ANTXR2: variants seen among roughly 807,000 people sequenced by gnomAD.
ANTXR2 encodes the protein anthrax toxin receptor 2.
Under a neutral mutation model 73.7 loss-of-function variants are expected in ANTXR2, and 44 were observed. That is an observed-to-expected ratio of 0.60 (90% CI 0.47 to 0.77). The LOEUF (loss-of-function observed/expected upper bound fraction) is 0.77. Ranked by LOEUF, ANTXR2 falls within the 30% of genes least tolerant of loss-of-function variation. The pLI, the probability that ANTXR2 is intolerant of heterozygous loss-of-function variation, is 0.00. For synonymous variants in ANTXR2, 217 were observed against 205.9 expected, an observed-to-expected ratio of 1.05 and a Z score of -0.46; for missense variants, 604 against 592.5, an observed-to-expected ratio of 1.02 and a Z score of -0.20.
At chr4:79,985,411 AC>A (rs1730098426) in intron 12 of ANTXR2, among the ~76,000 whole-genome samples, 1 of 152,072 alleles carries the variant, frequency 6.6e-6, no homozygotes. Flanking sequence ...GTACTATGTG[AC>A]TTCTCAGGCT....
rs576696259 is a variant in ANTXR2, at chr4:80,019,376, A to G, written c.867-400T>C. Among the ~76,000 whole-genome samples the G allele has an allele frequency of 6.6e-4, 100 of 152,346 alleles. 2 individuals are homozygous for G. The highest frequency in any genetic ancestry group is 6.5e-3 in the Admixed American group (99 of 15,304). On this transcript the variant is annotated intron_variant, in intron 10 of 16. Transcript: ENST00000403729. ...ACAGCGAGACTCAGTCTCAAAAAAA[A>G]GGAAAGAGTAAGAGTCACAGCTTTT...
At chr4:80,040,082 A>G (rs1445545804) in intron 7 of ANTXR2, among the ~76,000 whole-genome samples, 1 of 151,930 alleles carries the variant, frequency 6.6e-6, no homozygotes, top group Non-Finnish European at 1.5e-5. Flanking sequence ...TCATGGACGT[A>G]AAGATGGGAA....
chr4:79,933,735 G>GTTTTTTTT (rs10689799), intron 16 of ANTXR2, among the ~76,000 whole-genome samples: 1 of 68,946 alleles, frequency 1.5e-5, no homozygotes, highest in Admixed American at 2.1e-4. Flanking sequence ...TGGTGTGTTT[G>GTTTTTTTT]TTTTTTTTTT....
At position 80,042,668 on chromosome 4, in the gene ANTXR2, T is replaced by C. The variant is rs1266039910; in HGVS notation, c.637-6636A>G. Among the ~76,000 whole-genome samples the C allele has an allele frequency of 2.0e-5, 3 of 152,082 alleles. No homozygotes were observed. In the East Asian group the frequency reaches 5.8e-4, roughly 29 times the overall value. ...TGAATGTGAATATGTGAATTGATAA[T>C]ATTGTAAACTCAAAGTGATGTTTGT... On this transcript the variant is annotated intron_variant, in intron 7 of 16. Transcript: ENST00000403729.
intron 1 of ANTXR2, 73 bp downstream of exon 1, chr4:80,072,336 C>T: frequency 8.9e-6 from 13 of 1,452,522 alleles, no homozygotes; most frequent in Non-Finnish European, 1.2e-5. Context: ...TGCGCACACG[C>T]ATCTCAGCCT....
chr4:80,037,690 G>A (rs1733042556), intron 7 of ANTXR2, among the ~76,000 whole-genome samples: 1 of 152,112 alleles, frequency 6.6e-6, no homozygotes, highest in East Asian at 1.9e-4. Context: ...TGCCCTCTTG[G>A]AAGGGTAGTA....
intron 16 of ANTXR2, among the ~76,000 whole-genome samples, chr4:79,946,547 G>A (rs1728521222): frequency 6.6e-6 from 1 of 152,034 alleles, no homozygotes; most frequent in Admixed American, 6.6e-5. Flanking sequence ...CCAGGCAGGG[G>A]CTGTAATCTT....
chr4:80,050,566 T>A (rs1733726759), intron 7 of ANTXR2, among the ~76,000 whole-genome samples: 1 of 151,584 alleles, frequency 6.6e-6, no homozygotes, highest in Admixed American at 6.6e-5. Flanking sequence ...TCATTTAATT[T>A]AAAAAATAAA....
In ANTXR2 at chr4:79,904,232, C is replaced by T. The variant is rs929810390; in HGVS notation, c.*3197G>A. ...TGTATCTAGTAAGGATTTATTATAA[C>T]AAATATTGAATAATTTATTATTTAA... On this transcript the variant is annotated 3_prime_UTR_variant, in exon 17 of 17. Coordinates refer to ENST00000403729, the MANE Select transcript of ANTXR2 (RefSeq NM_058172.6). 2 of 151,922 alleles carry T rather than the reference C, an allele frequency of 1.3e-5. No individual in the cohort carries two copies. The highest frequency in any genetic ancestry group is 6.6e-5 in the Admixed American group (1 of 15,214). 9.4% of individuals were successfully genotyped at this position (151,922 alleles called of 1,614,324 possible).
In ANTXR2 at chr4:79,905,550, T is replaced by A. The variant is rs1726868423; in HGVS notation, c.*1879A>T. 1 of 152,174 alleles carries A rather than the reference T, an allele frequency of 6.6e-6. No homozygotes were observed. The highest frequency in any genetic ancestry group is 2.1e-4 in the South Asian group (1 of 4,836). The allele number at this position is 152,174 out of a possible 1,614,324, so 9.4% of individuals were successfully genotyped here. A position where few individuals can be genotyped will look rare whatever the true frequency, so the allele number is the denominator to read the frequency against. On this transcript the variant is annotated 3_prime_UTR_variant, in exon 17 of 17. Coordinates refer to ENST00000403729, the MANE Select transcript of ANTXR2 (RefSeq NM_058172.6). ...AAGAAGGCATTAGCTTTATGTGGGCTTAAAGAAATGGTAGCACAGGCATAG... is the reference window on the plus strand; with the variant it reads ...AAGAAGGCATTAGCTTTATGTGGGCATAAAGAAATGGTAGCACAGGCATAG...
chr4:79,949,375 G>T (rs1174998691), intron 16 of ANTXR2, among the ~76,000 whole-genome samples: 1 of 152,186 alleles, frequency 6.6e-6, no homozygotes, highest in African/African-American at 2.4e-5. Context: ...GGTCATTAAT[G>T]ATGACAAGGA....
intron 16 of ANTXR2, among the ~76,000 whole-genome samples, chr4:79,937,377 G>A (rs1183156493): frequency 6.6e-6 from 1 of 152,162 alleles, no homozygotes; most frequent in African/African-American, 2.4e-5. Flanking sequence ...GGCTAGTTTG[G>A]CTGGTTTCTG....
chr4:80,004,054 C>T (rs1274628472), intron 12 of ANTXR2, among the ~76,000 whole-genome samples: 1 of 151,906 alleles, frequency 6.6e-6, no homozygotes, highest in Non-Finnish European at 1.5e-5. Flanking sequence ...GGTACATCTA[C>T]ACCATTAATT....
intron 16 of ANTXR2, among the ~76,000 whole-genome samples, chr4:79,917,853 A>G (rs991363372): frequency 6.6e-6 from 1 of 152,126 alleles, no homozygotes; most frequent in East Asian, 1.9e-4. Context: ...CTCATAATCA[A>G]TGAAAACACA....
At chr4:79,956,856 C>T (rs1728906539) in intron 16 of ANTXR2, among the ~76,000 whole-genome samples, 1 of 151,952 alleles carries the variant, frequency 6.6e-6, no homozygotes, top group South Asian at 2.1e-4. Flanking sequence ...AGGAAGGAGA[C>T]CCCGGGCAAA....
intron 16 of ANTXR2, among the ~76,000 whole-genome samples, chr4:79,916,773 C>G (rs537496363): frequency 6.6e-6 from 1 of 151,960 alleles, no homozygotes; most frequent in East Asian, 1.9e-4. Context: ...GAGTGATGAA[C>G]AGGATTTATG....
chr4:80,026,840 G>A (rs1256504737), intron 10 of ANTXR2, among the ~76,000 whole-genome samples: 2 of 151,850 alleles, frequency 1.3e-5, no homozygotes, highest in Admixed American at 1.3e-4. Flanking sequence ...TCCCATACAT[G>A]GTGACATCTT....
intron 1 of ANTXR2, among the ~76,000 whole-genome samples, chr4:80,071,895 T>A (rs1015279077): frequency 6.6e-6 from 1 of 150,826 alleles, no homozygotes; most frequent in Admixed American, 6.6e-5. Flanking sequence ...CTGGGGTGGG[T>A]AAATACCTGC....
At chr4:79,993,847 T>G (rs1730602562) in intron 12 of ANTXR2, among the ~76,000 whole-genome samples, 1 of 151,708 alleles carries the variant, frequency 6.6e-6, no homozygotes, top group South Asian at 2.1e-4. Context: ...TTGCCATATA[T>G]CTACTGAGTC....
Sources: gnomAD v4.1 joint callset for allele counts (sites outside exome capture counted in the v4.1 genomes callset) on GRCh38, gnomAD v4.1.1 for gene constraint, MANE v1.5 for transcripts, NCBI Gene and HGNC (gene_info 2026-07-23, HGNC 2026-07-21) for gene names.